FCHSD2: variants seen among roughly 807,000 people sequenced by gnomAD.
FCHSD2 encodes the protein FCH and double SH3 domains 2, also known as F-BAR and double SH3 domains protein 2.
FCHSD2 carries 38 observed loss-of-function variants against 108.1 expected under a neutral mutation model. The ratio of observed to expected loss-of-function variants is 0.35; its 90% confidence interval spans 0.27 to 0.46. The LOEUF is 0.46. FCHSD2 is among the 20% of genes least tolerant of loss of function. FCHSD2 has a pLI of 1.00. For synonymous variants in FCHSD2, 279 were observed against 314.7 expected, an observed-to-expected ratio of 0.89 and a Z score of 1.20; for missense variants, 751 against 897.8, an observed-to-expected ratio of 0.84 and a Z score of 2.09.
chr11:73,009,396 C>A (rs975984795), intron 4 of FCHSD2, among the ~76,000 whole-genome samples: 2 of 152,104 alleles, frequency 1.3e-5, no homozygotes, highest in Non-Finnish European at 2.9e-5. Flanking sequence ...GCTCGGGAGG[C>A]TGAGGCATGA....
At chr11:73,023,797 T>C (rs1858164299) in intron 3 of FCHSD2, among the ~76,000 whole-genome samples, 1 of 152,214 alleles carries the variant, frequency 6.6e-6, no homozygotes, top group Non-Finnish European at 1.5e-5. Flanking sequence ...CTGTGGTACA[T>C]AATTATAATG....
At chr11:72,868,975 T>G (rs936217271) in intron 12 of FCHSD2, among the ~76,000 whole-genome samples, 17 of 152,024 alleles carry the variant, frequency 1.1e-4, no homozygotes, top group African/African-American at 3.9e-4. Context: ...GGTATGATCT[T>G]GGCTCACTGC....
intron 8 of FCHSD2, among the ~76,000 whole-genome samples, chr11:72,950,769 T>C (rs1247056465): frequency 1.3e-5 from 2 of 152,244 alleles, no homozygotes; most frequent in Non-Finnish European, 2.9e-5. Flanking sequence ...GCTTCTCAGA[T>C]ATTTAGAGGC....
At chr11:72,880,574 C>T (rs1380375044) in intron 12 of FCHSD2, among the ~76,000 whole-genome samples, 1 of 152,092 alleles carries the variant, frequency 6.6e-6, no homozygotes, top group Admixed American at 6.6e-5. Flanking sequence ...CCCTATCTCT[C>T]ACCATATATA....
chr11:73,032,768 G>T (rs1282536462), intron 3 of FCHSD2, among the ~76,000 whole-genome samples: 1 of 152,098 alleles, frequency 6.6e-6, no homozygotes, highest in Non-Finnish European at 1.5e-5. Context: ...GTGCAAGTGG[G>T]AACATAGCCC....
intron 7 of FCHSD2, among the ~76,000 whole-genome samples, chr11:72,984,468 TA>T (rs1287328595): frequency 5.3e-5 from 8 of 152,210 alleles, no homozygotes; most frequent in Non-Finnish European, 1.2e-4. Flanking sequence ...GTAGATAACT[TA>T]AAAATATTTT....
intron 9 of FCHSD2, among the ~76,000 whole-genome samples, chr11:72,918,716 A>G (rs1381160917): frequency 1.3e-5 from 2 of 152,338 alleles, no homozygotes; most frequent in East Asian, 3.8e-4. Context: ...AAATAAATGT[A>G]GAATAACATT....
rs1022346320 is a variant in FCHSD2 at position 72,985,129 on chromosome 11, T to C, written c.522-13A>G. 1 of 850,968 alleles carries C rather than the reference T, an allele frequency of 1.2e-6. No homozygotes were observed. The highest frequency in any genetic ancestry group is 1.8e-6 in the Non-Finnish European group (1 of 545,346). 52.7% of individuals were successfully genotyped at this position (850,968 alleles called of 1,614,324 possible). On this transcript the variant is annotated splice_polypyrimidine_tract_variant and intron_variant, in intron 6 of 19. Transcript: ENST00000409418. ...ACTAAGTTTAGATCTATAATAAAAA[T>C]AGAAAAGTATGTTTAATAAAATCAT... is the stretch of plus-strand genomic sequence containing the variant.
chr11:73,141,518 G>A (rs889157987), intron 1 of FCHSD2, among the ~76,000 whole-genome samples: 3 of 152,244 alleles, frequency 2.0e-5, no homozygotes, highest in East Asian at 1.9e-4. Flanking sequence ...CAAAGCTGCA[G>A]GGGCGTCCCC....
At chr11:73,067,996 A>G (rs1286390869) in intron 3 of FCHSD2, among the ~76,000 whole-genome samples, 2 of 152,254 alleles carry the variant, frequency 1.3e-5, no homozygotes, top group Admixed American at 6.5e-5. Flanking sequence ...ACACGAGAGA[A>G]TAAGAACCAA....
At chr11:73,096,040 AC>A (rs1021117758) in intron 2 of FCHSD2, among the ~76,000 whole-genome samples, 1 of 152,124 alleles carries the variant, frequency 6.6e-6, no homozygotes, top group African/African-American at 2.4e-5. Context: ...ACAAAACAAA[AC>A]AAAAAAACCT....
At chr11:72,888,578 C>T (rs1227082080) in intron 11 of FCHSD2, among the ~76,000 whole-genome samples, 1 of 151,602 alleles carries the variant, frequency 6.6e-6, no homozygotes, top group Non-Finnish European at 1.5e-5. Flanking sequence ...TTTCTTTGTG[C>T]TTAGAGTTTA....
chr11:72,900,233 GC>G, intron 10 of FCHSD2: 1 of 485,908 alleles, frequency 2.1e-6, no homozygotes, highest in Non-Finnish European at 3.9e-6. Flanking sequence ...CATCCCTCCC[GC>G]CCTTGACCCA....
intron 2 of FCHSD2, among the ~76,000 whole-genome samples, chr11:73,117,409 T>G (rs1301094304): frequency 1.3e-5 from 2 of 152,244 alleles, no homozygotes; most frequent in Non-Finnish European, 2.9e-5. Flanking sequence ...TATTAGGCTT[T>G]TAGGCATATT....
chr11:73,039,389 G>A (rs994057033), intron 3 of FCHSD2, among the ~76,000 whole-genome samples: 7 of 152,046 alleles, frequency 4.6e-5, no homozygotes, highest in African/African-American at 9.6e-5. Context: ...ATGGTGGGGC[G>A]TGCCTGTAGT....
At chr11:73,139,236 C>A (rs1861191044) in intron 2 of FCHSD2, among the ~76,000 whole-genome samples, 1 of 152,166 alleles carries the variant, frequency 6.6e-6, no homozygotes, top group Admixed American at 6.5e-5. Flanking sequence ...TAGTGTACCA[C>A]CAGAAAACTA....
intron 9 of FCHSD2, among the ~76,000 whole-genome samples, chr11:72,909,632 T>G (rs1165655061): frequency 7.3e-6 from 1 of 136,174 alleles, no homozygotes; most frequent in Non-Finnish European, 1.5e-5. Context: ...ATGTGAGGAG[T>G]GCCTCTGGCC....
chr11:73,021,882 C>A (rs370643448), intron 3 of FCHSD2, among the ~76,000 whole-genome samples: 17 of 151,694 alleles, frequency 1.1e-4, no homozygotes, highest in African/African-American at 3.6e-4. Flanking sequence ...TGAGCCCAGG[C>A]AACACAAGGA....
At chr11:73,085,164 G>C (rs1859786112) in intron 2 of FCHSD2, among the ~76,000 whole-genome samples, 1 of 152,056 alleles carries the variant, frequency 6.6e-6, no homozygotes, top group African/African-American at 2.4e-5. Context: ...TAAACCTAAA[G>C]ACTCATGCTT....
Sources: allele counts gnomAD v4.1 joint callset (sites outside exome capture counted in the v4.1 genomes callset), GRCh38; gene constraint gnomAD v4.1.1; transcripts MANE v1.5; gene names NCBI Gene and HGNC (gene_info 2026-07-23, HGNC 2026-07-21).